The following DACH1 variants were observed in gnomAD, a reference collection of about 807,000 sequenced individuals.
The protein encoded by DACH1 is dachshund homolog 1.
A neutral mutation model predicts 54.2 loss-of-function variants in DACH1; 12 were observed. That is an observed-to-expected ratio of 0.22 (90% CI 0.14 to 0.36). The LOEUF (loss-of-function observed/expected upper bound fraction) is 0.36. Among genes scored for constraint, DACH1 ranks in the 10% least tolerant of loss-of-function variants. The pLI, the probability that DACH1 is intolerant of heterozygous loss-of-function variation, is 1.00. For missense variants in DACH1, 805 were observed against 929.8 expected (o/e 0.87, Z 1.75); for synonymous variants, 386 against 366.2 (o/e 1.05, Z -0.62).
intron 1 of DACH1, among the ~76,000 whole-genome samples, chr13:71,699,149 T>C (rs79264986): frequency 0.043 from 6,604 of 152,204 alleles, 212 homozygotes; most frequent in Non-Finnish European, 0.063. Context: ...TTTCACAAAC[T>C]AAAATACTTT....
chr13:71,541,805 G>A (rs576586226), intron 6 of DACH1, among the ~76,000 whole-genome samples: 102 of 151,722 alleles, frequency 6.7e-4, no homozygotes, highest in African/African-American at 2.4e-3. Context: ...AATTTTAAGG[G>A]TTCTAAAAAT....
intron 4 of DACH1, 38 bp from the exon 5 acceptor site, chr13:71,559,993 G>T: frequency 6.9e-7 from 1 of 1,457,686 alleles, no homozygotes; most frequent in Non-Finnish European, 9.1e-7. Context: ...TAGAAAAGAT[G>T]TTAAATACAA....
At chr13:71,517,308 T>C (rs1258406731) in intron 6 of DACH1, among the ~76,000 whole-genome samples, 1 of 151,196 alleles carries the variant, frequency 6.6e-6, no homozygotes, top group Non-Finnish European at 1.5e-5. Context: ...CTACATCCCA[T>C]AACATGAATC....
chr13:71,511,763 T>C (rs1209566964), intron 6 of DACH1, among the ~76,000 whole-genome samples: 1 of 152,004 alleles, frequency 6.6e-6, no homozygotes. Flanking sequence ...TTTCCTTGCC[T>C]TTATACATAT....
chr13:71,863,375 C>CT (rs34435876), intron 1 of DACH1, among the ~76,000 whole-genome samples: 15,142 of 152,018 alleles, frequency 0.1, 1,517 homozygotes, highest in East Asian at 0.57. Flanking sequence ...TTTGAGTAAG[C>CT]TTTTTTAGTT....
chr13:71,499,478 A>G (rs1416780800), intron 6 of DACH1, among the ~76,000 whole-genome samples: 1 of 152,216 alleles, frequency 6.6e-6, no homozygotes, highest in African/African-American at 2.4e-5. Context: ...GACTCAGAAC[A>G]TGTACACCAG....
chr13:71,846,209 T>G lies in DACH1; in HGVS notation c.848+19713A>C. 1.3e-5 allele frequency: 3 copies of G among 238,038 alleles called. No homozygotes were observed. The South Asian group carries it at 2.0e-4, about 16-fold the overall frequency. 14.7% of individuals were successfully genotyped at this position (238,038 alleles called of 1,614,324 possible). ...CCAGAGTTATCTGGGGAAGGTTCAC[T>G]CCGGCGCACGGAAACAGCGGCATGG... is the stretch of plus-strand genomic sequence containing the variant. On this transcript the variant is annotated intron_variant, in intron 1 of 10. Transcript: ENST00000613252.
At chr13:71,477,951 G>A (rs533411576) in intron 8 of DACH1, among the ~76,000 whole-genome samples, 21 of 152,146 alleles carry the variant, frequency 1.4e-4, no homozygotes, top group African/African-American at 5.1e-4. Context: ...AGTGGTTAAC[G>A]AAAGAAAACA....
chr13:71,459,445 T>C (rs1875877869), intron 10 of DACH1, among the ~76,000 whole-genome samples: 2 of 152,080 alleles, frequency 1.3e-5, no homozygotes, highest in Admixed American at 1.3e-4. Context: ...GTGAAAGACA[T>C]GAGAAGAGCA....
At chr13:71,827,253 T>C (rs1288661378) in intron 1 of DACH1, among the ~76,000 whole-genome samples, 1 of 152,030 alleles carries the variant, frequency 6.6e-6, no homozygotes, top group African/African-American at 2.4e-5. Flanking sequence ...AATCATTGTT[T>C]CCAGGGATGC....
intron 1 of DACH1, among the ~76,000 whole-genome samples, chr13:71,779,701 C>T (rs1394631977): frequency 6.6e-6 from 1 of 152,006 alleles, no homozygotes; most frequent in Non-Finnish European, 1.5e-5. Flanking sequence ...TACCTCTCCA[C>T]CTCTCCTTTC....
intron 7 of DACH1, among the ~76,000 whole-genome samples, chr13:71,488,430 A>G (rs1211022319): frequency 6.6e-6 from 1 of 152,188 alleles, no homozygotes; most frequent in African/African-American, 2.4e-5. Flanking sequence ...TACATAAAAT[A>G]TACATCCTGA....
intron 2 of DACH1, among the ~76,000 whole-genome samples, chr13:71,678,147 T>G (rs1594087377): frequency 6.6e-6 from 1 of 152,174 alleles, no homozygotes; most frequent in African/African-American, 2.4e-5. Flanking sequence ...AATACAAAAG[T>G]ACATAAATAA....
At chr13:71,708,211 G>T (rs781208163) in intron 1 of DACH1, among the ~76,000 whole-genome samples, 1 of 151,290 alleles carries the variant, frequency 6.6e-6, no homozygotes, top group Non-Finnish European at 1.5e-5. Flanking sequence ...CCTGTGCCTC[G>T]ATCTATAACA....
intron 1 of DACH1, among the ~76,000 whole-genome samples, chr13:71,765,223 A>G (rs529458354): frequency 2.0e-5 from 3 of 152,244 alleles, no homozygotes; most frequent in African/African-American, 7.2e-5. Context: ...CATACAAACC[A>G]GGCATTTGGA....
intron 2 of DACH1, among the ~76,000 whole-genome samples, 155 bp from the exon 3 acceptor site, chr13:71,630,872 T>C (rs1877047327): frequency 1.3e-5 from 2 of 152,070 alleles, no homozygotes; most frequent in Admixed American, 6.6e-5. Context: ...AACTAGACAA[T>C]GAAACAACAT....
At chr13:71,793,638 C>T (rs1209185080) in intron 1 of DACH1, among the ~76,000 whole-genome samples, 4 of 152,076 alleles carry the variant, frequency 2.6e-5, no homozygotes, top group African/African-American at 9.7e-5. Flanking sequence ...GCAAGCAATC[C>T]TCCAAGCACA....
At chr13:71,655,249 GTTAA>G (rs1470770922) in intron 2 of DACH1, among the ~76,000 whole-genome samples, 1 of 151,746 alleles carries the variant, frequency 6.6e-6, no homozygotes, top group Non-Finnish European at 1.5e-5. Context: ...TATTTTTACT[GTTAA>G]TTACTCTGTG....
intron 1 of DACH1, among the ~76,000 whole-genome samples, chr13:71,729,287 T>C (rs574592911): frequency 6.6e-6 from 1 of 152,080 alleles, no homozygotes; most frequent in Non-Finnish European, 1.5e-5. Flanking sequence ...TAATCAGATC[T>C]AAAATGGCAT....
Sources: allele counts gnomAD v4.1 joint callset (sites outside exome capture counted in the v4.1 genomes callset), GRCh38; gene constraint gnomAD v4.1.1; transcripts MANE v1.5; gene names NCBI Gene and HGNC (gene_info 2026-07-23, HGNC 2026-07-21).